Variants in CRX observed in about 807,000 individuals in gnomAD.
CRX encodes the protein cone-rod homeobox protein.
A neutral mutation model predicts 13.1 loss-of-function variants in CRX; 5 were observed. That is an observed-to-expected ratio of 0.38 (90% CI 0.20 to 0.80). The LOEUF (loss-of-function observed/expected upper bound fraction) is 0.80, where lower values mean the gene tolerates loss of function less well. Among genes scored for constraint, CRX ranks in the 30% least tolerant of loss-of-function variants. The pLI, the probability that CRX is intolerant of heterozygous loss-of-function variation, is 0.43. For missense variants in CRX, 351 were observed against 391.8 expected, an observed-to-expected ratio of 0.90 and a Z score of 0.88; for synonymous variants, 179 against 171.1, an observed-to-expected ratio of 1.05 and a Z score of -0.36.
At chr19:47,838,585 A>G (rs1427457339) in intron 3 of CRX, among the ~76,000 whole-genome samples, 1 of 152,148 alleles carries the variant, frequency 6.6e-6, no homozygotes, top group Non-Finnish European at 1.5e-5. Context: ...ACTTGCATGT[A>G]TGATCAGATG....
At chr19:47,824,830 G>A (rs1004934526) in intron 1 of CRX, among the ~76,000 whole-genome samples, 1 of 151,946 alleles carries the variant, frequency 6.6e-6, no homozygotes, top group Non-Finnish European at 1.5e-5. Flanking sequence ...GATATTCTTT[G>A]TTCCACCCCT....
intron 1 of CRX, among the ~76,000 whole-genome samples, chr19:47,823,946 G>A (rs1237480489): frequency 1.3e-5 from 2 of 152,116 alleles, no homozygotes; most frequent in African/African-American, 2.4e-5. Context: ...CACCACACCC[G>A]GCCGAGTCTG....
At chr19:47,835,639 T>TC (rs1968108740) in intron 2 of CRX, among the ~76,000 whole-genome samples, 1 of 148,318 alleles carries the variant, frequency 6.7e-6, no homozygotes, top group Non-Finnish European at 1.5e-5. Context: ...TTTTTTTTTT[T>TC]CAAGACCGAG....
At chr19:47,823,218 G>T (rs551577730) in intron 1 of CRX, among the ~76,000 whole-genome samples, 1 of 152,290 alleles carries the variant, frequency 6.6e-6, no homozygotes, top group East Asian at 1.9e-4. Flanking sequence ...TAGACACACA[G>T]TGAGTGCTCA....
At chr19:47,838,145 T>C (rs1224665244) in intron 3 of CRX, among the ~76,000 whole-genome samples, 1 of 152,174 alleles carries the variant, frequency 6.6e-6, no homozygotes, top group Admixed American at 6.5e-5. Context: ...TTTGTATGTC[T>C]GTATGATCAG....
At chr19:47,823,731 C>A (rs1967940820) in intron 1 of CRX, among the ~76,000 whole-genome samples, 4 of 150,286 alleles carry the variant, frequency 2.7e-5, no homozygotes, top group African/African-American at 7.4e-5. Context: ...CTCAGTGCAA[C>A]CTCCACCTCC....
intron 1 of CRX, among the ~76,000 whole-genome samples, chr19:47,828,167 T>A (rs1034966730): frequency 1.3e-4 from 19 of 148,828 alleles, no homozygotes; most frequent in East Asian, 9.8e-4. Flanking sequence ...AAAAAAAAAA[T>A]TTTTTTTTCC....
At chr19:47,831,175 C>T (rs1968039695) in intron 1 of CRX, among the ~76,000 whole-genome samples, 1 of 151,816 alleles carries the variant, frequency 6.6e-6, no homozygotes, top group African/African-American at 2.4e-5. Flanking sequence ...GGCATGGTGG[C>T]GCATGCCTGT....
At position 47,840,482 on chromosome 19, in the gene CRX, A is replaced by G. The variant is rs1968181364; in HGVS notation, c.*515A>G. On this transcript the variant is annotated 3_prime_UTR_variant, in exon 4 of 4. Coordinates refer to ENST00000221996, the MANE Select transcript of CRX (RefSeq NM_000554.6). ...AGTGGCACGATCTCAGCTCACTGCA[A>G]GCTCTACCTCCCGGGTTCACGCCAT... 6.4e-6 allele frequency: 1 copy of G among 157,208 alleles called. No homozygotes were observed. Among genetic ancestry groups the G allele is most frequent in the Non-Finnish European group, 1.4e-5 (1 of 71,436 alleles). 9.7% of individuals were successfully genotyped at this position (157,208 alleles called of 1,614,324 possible).
At chr19:47,826,116 C>G (rs1238647494) in intron 1 of CRX, among the ~76,000 whole-genome samples, 2 of 152,136 alleles carry the variant, frequency 1.3e-5, no homozygotes, top group Non-Finnish European at 2.9e-5. Context: ...TTCCTTGTCT[C>G]CACTCTCTGG....
Position 47,828,397 on chromosome 19 carries a change from G to A in CRX, c.-35-6012G>A, listed in dbSNP as rs140534962. 2.2e-4 allele frequency among the ~76,000 whole-genome samples: 34 copies of A among 152,112 alleles called. No homozygotes were observed. The East Asian group carries it at 6.2e-3, about 28-fold the overall frequency. ...AGAAGGAAAGGACAGTGAGAGGAACGGAAGAGTGGGAGCTCACAATAAACA... is the reference window on the plus strand; with the variant it reads ...AGAAGGAAAGGACAGTGAGAGGAACAGAAGAGTGGGAGCTCACAATAAACA... On this transcript the variant is annotated intron_variant, in intron 1 of 3. Transcript: ENST00000221996.
chr19:47,822,183 G>T (rs376895078), intron 1 of CRX, among the ~76,000 whole-genome samples, 173 bp downstream of exon 1: 9 of 152,306 alleles, frequency 5.9e-5, no homozygotes, highest in African/African-American at 2.2e-4. Flanking sequence ...ACGGGGCTAG[G>T]CTGTGATTGC....
Position 47,841,688 on chromosome 19 carries a change from T to C in CRX, c.*1721T>C, listed in dbSNP as rs1439630858. On this transcript the variant is annotated 3_prime_UTR_variant, in exon 4 of 4. Transcript: ENST00000221996. ...ATTTCTTGAAATAGAATCTTACTTA[T>C]GGTGACACTGGCAAGCACTTGTGAG... 2 of 151,684 alleles carry C rather than the reference T, an allele frequency of 1.3e-5. No homozygotes were observed. Among genetic ancestry groups the C allele is most frequent in the African/African-American group, 4.8e-5 (2 of 41,284 alleles). 9.4% of individuals were successfully genotyped at this position (151,684 alleles called of 1,614,324 possible). A position where few individuals can be genotyped will look rare whatever the true frequency, so the allele number is the denominator to read the frequency against.
At chr19:47,835,551 A>AT (rs1465591046) in intron 2 of CRX, among the ~76,000 whole-genome samples, 16 of 147,932 alleles carry the variant, frequency 1.1e-4, no homozygotes. Context: ...TGCCCGGCCA[A>AT]TTTTTGTAAA....
chr19:47,838,821 A>T (rs1331556289), intron 3 of CRX, among the ~76,000 whole-genome samples: 1 of 150,804 alleles, frequency 6.6e-6, no homozygotes, highest in Non-Finnish European at 1.5e-5. Flanking sequence ...ATGTATGTAT[A>T]ATTGTATGTG....
Position 47,834,556 on chromosome 19 carries a change from G to A in CRX, c.100+13G>A, listed in dbSNP as rs770361425. The A allele has an allele frequency of 2.2e-5, 35 of 1,607,220 alleles. No homozygotes were observed. The highest frequency in any genetic ancestry group is 5.5e-5 in the South Asian group (5 of 90,882). ...GTGCCCTACCCAAGTGAGTACAGTC[G>A]TTTCTCTTGGCACCCCAGGCTGGCC... On this transcript the variant is annotated intron_variant, in intron 2 of 3. Coordinates refer to ENST00000221996, the MANE Select transcript of CRX (RefSeq NM_000554.6).
rs2123739849 is a variant in CRX, at chr19:47,836,251, A to C, written c.109A>C (p.Arg37=). 1 of 1,614,150 alleles carries C rather than the reference A, an allele frequency of 6.2e-7. No homozygotes were observed. Among genetic ancestry groups the C allele is most frequent in the East Asian group, 2.2e-5 (1 of 44,876 alleles). The change falls in exon 3 of 4, where the codon AGG becomes CGG. Residue 37 remains arginine (R), a synonymous_variant. Transcript: ENST00000221996. ...HQAVPYPSAP[R]KQRRERTTFT... ...TTCCCATCCCACCCCAGGCGCCCCC[A>C]GGAAGCAGCGGCGGGAGCGCACCAC...
intron 1 of CRX, among the ~76,000 whole-genome samples, chr19:47,824,574 C>A (rs1967952377): frequency 6.6e-6 from 1 of 151,956 alleles, no homozygotes; most frequent in Admixed American, 6.6e-5. Flanking sequence ...AGCTGGGGCC[C>A]CCTGGAGGTC....
At position 47,842,714 on chromosome 19, in the gene CRX, C is replaced by T. The variant is rs1011983295; in HGVS notation, c.*2747C>T. The T allele has an allele frequency of 6.6e-6, 1 of 152,222 alleles. No homozygotes were observed. The highest frequency in any genetic ancestry group is 2.4e-5 in the African/African-American group (1 of 41,432). The allele number at this position is 152,222 out of a possible 1,614,324, so 9.4% of individuals were successfully genotyped here. A position where few individuals can be genotyped will look rare whatever the true frequency, so the allele number is the denominator to read the frequency against. ...CTAGACAAAATTCACACGGGAGGGGCAGGGATGAGACAATATTGTGCCCTG... is the reference window on the plus strand; with the variant it reads ...CTAGACAAAATTCACACGGGAGGGGTAGGGATGAGACAATATTGTGCCCTG... On this transcript the variant is annotated 3_prime_UTR_variant, in exon 4 of 4. Transcript: ENST00000221996.
Sources: gnomAD v4.1 joint callset for allele counts (sites outside exome capture counted in the v4.1 genomes callset) on GRCh38, gnomAD v4.1.1 for gene constraint, MANE v1.5 for transcripts, NCBI Gene and HGNC (gene_info 2026-07-23, HGNC 2026-07-21) for gene names.